ZNF599: variants seen among roughly 807,000 people sequenced by gnomAD.
The protein encoded by ZNF599 is zinc finger protein 599.
In ZNF599, 10 loss-of-function variants were observed where a neutral mutation model predicts 11.7. The observed-to-expected ratio is 0.86, with a 90% CI of 0.53 to 1.45. The LOEUF is 1.45. ZNF599 is among the 40% of genes most tolerant of loss of function. ZNF599 has a pLI of 0.00. For synonymous variants in ZNF599, 232 were observed against 253.2 expected (o/e 0.92, Z 0.79); for missense variants, 688 against 713.6 (o/e 0.96, Z 0.41).
At chr19:34,787,056 G>A in the ZNF599 span, among the ~76,000 whole-genome samples, 1 of 152,168 alleles carries the variant, frequency 6.6e-6, no homozygotes, top group Non-Finnish European at 1.5e-5. Flanking sequence ...CTGGGGCCCA[G>A]AGGGGAATTT....
the ZNF599 span, among the ~76,000 whole-genome samples, chr19:34,795,686 T>C: frequency 1.3e-5 from 2 of 152,196 alleles, no homozygotes; most frequent in African/African-American, 2.4e-5. Flanking sequence ...AGCCAGAAGA[T>C]AGTCTAGAGC....
chr19:34,768,106 T>C lies in ZNF599; in HGVS notation c.146-695A>G, dbSNP rs567171386. Among the ~76,000 whole-genome samples the C allele has an allele frequency of 9.4e-4, 143 of 152,164 alleles. 1 individual carries two copies. The highest frequency in any genetic ancestry group is 1.9e-3 in the Non-Finnish European group (129 of 68,024). On this transcript the variant is annotated intron_variant, in intron 2 of 3. Coordinates refer to ENST00000329285, the MANE Select transcript of ZNF599 (RefSeq NM_001007248.3). ...CTGGAAAATCTTGTCCTGGCACGCA[T>C]CCAGCTGTCACTTAGCAAATGTTCA...
At chr19:34,767,472 G>T in intron 2 of ZNF599, 61 bp from the exon 3 acceptor site, 1 of 1,351,004 alleles carries the variant, frequency 7.4e-7, no homozygotes, top group South Asian at 1.2e-5. Context: ...AAAAGTCTGA[G>T]GTGTAAAGGA....
In ZNF599 at chr19:34,760,124, G is replaced by A; in HGVS notation, c.677C>T (p.Pro226Leu). The A allele has an allele frequency of 1.9e-6, 3 of 1,614,076 alleles. No individual in the cohort carries two copies. Among genetic ancestry groups the A allele is most frequent in the South Asian group, 1.1e-5 (1 of 91,072 alleles). Residue 226 changes from proline to leucine, a missense_variant, in exon 4 of 4, where the codon CCC becomes CTC. Coordinates refer to ENST00000329285, the MANE Select transcript of ZNF599 (RefSeq NM_001007248.3). ...RHQQIHAGVK[P>L]YECNECGKAC... ...TTTCCCACACTCATTGCACTCATAG[G>A]GCTTCACTCCAGCATGAATCTGTTG...
At chr19:34,797,748 A>G in the ZNF599 span, among the ~76,000 whole-genome samples, 1 of 152,250 alleles carries the variant, frequency 6.6e-6, no homozygotes, top group African/African-American at 2.4e-5. Flanking sequence ...ACCTATATTT[A>G]GTAAGATACT....
At chr19:34,772,800 C>A (rs1353100188) in intron 1 of ZNF599, 24 bp downstream of exon 1, 1 of 1,534,280 alleles carries the variant, frequency 6.5e-7, no homozygotes, top group Non-Finnish European at 8.7e-7. Context: ...CGAGCTCGCG[C>A]GGGCTGCGGA....
At chr19:34,786,094 C>T in the ZNF599 span, among the ~76,000 whole-genome samples, 18 of 152,264 alleles carry the variant, frequency 1.2e-4, no homozygotes, top group Non-Finnish European at 1.8e-4. Context: ...CACAGTCCTT[C>T]CCTGCTCAGT....
the ZNF599 span, among the ~76,000 whole-genome samples, chr19:34,784,771 G>C: frequency 6.6e-6 from 1 of 151,502 alleles, no homozygotes; most frequent in South Asian, 2.1e-4. Flanking sequence ...TGGAAAATGT[G>C]GCCACTTACC....
chr19:34,796,903 G>T, the ZNF599 span, among the ~76,000 whole-genome samples: 6 of 152,250 alleles, frequency 3.9e-5, no homozygotes, highest in Admixed American at 3.9e-4. Context: ...TCTGGACAAA[G>T]TTTTGCTGAC....
Position 34,758,752 on chromosome 19 carries a change from G to T in ZNF599, c.*282C>A. The T allele has an allele frequency of 3.4e-6, 1 of 297,384 alleles. No homozygotes were observed. The highest frequency in any genetic ancestry group is 6.2e-6 in the Non-Finnish European group (1 of 160,676). 18.4% of individuals were successfully genotyped at this position (297,384 alleles called of 1,614,324 possible). On this transcript the variant is annotated 3_prime_UTR_variant, in exon 4 of 4. Coordinates refer to ENST00000329285, the MANE Select transcript of ZNF599 (RefSeq NM_001007248.3). The stretch of plus-strand genomic sequence containing the variant: ...GTTGTTCCTGACATTTTACCTAAAT[G>T]CATGTTAACCACCAGGTCTCTCCCC...
chr19:34,784,144 G>A, the ZNF599 span, among the ~76,000 whole-genome samples: 1 of 152,154 alleles, frequency 6.6e-6, no homozygotes, highest in Non-Finnish European at 1.5e-5. Context: ...GTAGTTCCAG[G>A]GGAGAATCCT....
At chr19:34,796,183 GTCC>G in the ZNF599 span, among the ~76,000 whole-genome samples, 1 of 152,132 alleles carries the variant, frequency 6.6e-6, no homozygotes, top group East Asian at 1.9e-4. Flanking sequence ...AGCTCTTGGT[GTCC>G]TCCTCTTGTG....
At chr19:34,785,108 A>C in the ZNF599 span, among the ~76,000 whole-genome samples, 2 of 151,630 alleles carry the variant, frequency 1.3e-5, no homozygotes, top group African/African-American at 4.9e-5. Flanking sequence ...ACTGCCACTT[A>C]AAATCTCCCC....
At chr19:34,784,252 G>A in the ZNF599 span, among the ~76,000 whole-genome samples, 1 of 152,060 alleles carries the variant, frequency 6.6e-6, no homozygotes, top group African/African-American at 2.4e-5. Flanking sequence ...TTCTCCCTGG[G>A]TGTCTTTATG....
At chr19:34,796,278 G>A in the ZNF599 span, among the ~76,000 whole-genome samples, 1 of 151,970 alleles carries the variant, frequency 6.6e-6, no homozygotes, top group Admixed American at 6.6e-5. Flanking sequence ...TTTAATAGCA[G>A]TGGGGGTGTT....
At chr19:34,769,584 G>T (rs1459107232) in intron 1 of ZNF599, 29 bp from the exon 2 acceptor site, 3 of 1,604,902 alleles carry the variant, frequency 1.9e-6, no homozygotes, top group Non-Finnish European at 2.6e-6. Flanking sequence ...GTGACAGGTG[G>T]CTGTGGAGCT....
upstream of ZNF599, among the ~76,000 whole-genome samples, chr19:34,775,278 C>A (rs1051266408): frequency 6.6e-6 from 1 of 152,158 alleles, no homozygotes; most frequent in Admixed American, 6.5e-5. Flanking sequence ...AATGGATAAA[C>A]AAAATGTGAT....
the ZNF599 span, among the ~76,000 whole-genome samples, chr19:34,799,351 T>G: frequency 6.6e-6 from 1 of 152,298 alleles, no homozygotes; most frequent in Middle Eastern, 3.4e-3. Flanking sequence ...CTTAGCAATA[T>G]GTGTGTAAGA....
chr19:34,795,231 T>G, the ZNF599 span, among the ~76,000 whole-genome samples: 1 of 152,182 alleles, frequency 6.6e-6, no homozygotes, highest in African/African-American at 2.4e-5. Context: ...ATGGTTTGAC[T>G]GGTGGGGTTA....
Sources: gnomAD v4.1 joint callset for allele counts (sites outside exome capture counted in the v4.1 genomes callset) on GRCh38, gnomAD v4.1.1 for gene constraint, MANE v1.5 for transcripts, NCBI Gene and HGNC (gene_info 2026-07-23, HGNC 2026-07-21) for gene names.